The following METTL22 variants were observed in gnomAD, a reference collection of about 807,000 sequenced individuals.
METTL22 encodes methyltransferase-like protein 22.
METTL22 carries 51 observed loss-of-function variants against 48.4 expected under a neutral mutation model. The observed-to-expected ratio is 1.05, with a 90% CI of 0.84 to 1.33. The LOEUF (loss-of-function observed/expected upper bound fraction) is 1.33, where lower values mean the gene tolerates loss of function less well. METTL22 is among the 40% of genes most tolerant of loss of function. METTL22 has a pLI of 0.00. For missense variants in METTL22, 678 were observed against 526.9 expected, an observed-to-expected ratio of 1.29 and a Z score of -2.81; for synonymous variants, 255 against 214.1, an observed-to-expected ratio of 1.19 and a Z score of -1.67.
chr16:8,642,276 A>G, intron 8 of METTL22, 69 bp downstream of exon 8: 1 of 1,434,308 alleles, frequency 7.0e-7, no homozygotes, highest in Non-Finnish European at 9.8e-7. Flanking sequence ...GTCTCTCCTC[A>G]CTTCCCCCGG....
intron 1 of METTL22, among the ~76,000 whole-genome samples, chr16:8,622,570 A>T (rs2055890187): frequency 6.6e-6 from 1 of 152,152 alleles, no homozygotes; most frequent in Non-Finnish European, 1.5e-5. Context: ...CCGGAAAGAG[A>T]CTTTTCCTGA....
At chr16:8,645,837 T>A (rs952840708) in intron 10 of METTL22, 15 of 1,000,732 alleles carry the variant, frequency 1.5e-5, no homozygotes, top group Non-Finnish European at 1.0e-5. Context: ...CTCACTGCTA[T>A]TCTGGTCTCT....
intron 1 of METTL22, chr16:8,623,523 CT>C (rs1242393007): frequency 6.6e-6 from 1 of 152,192 alleles, no homozygotes; most frequent in East Asian, 1.9e-4. Context: ...TGTATTTTCT[CT>C]TCTGGAATCT....
the METTL22 span, among the ~76,000 whole-genome samples, chr16:8,662,614 A>G: frequency 6.9e-6 from 1 of 144,074 alleles, no homozygotes; most frequent in Admixed American, 7.1e-5. Context: ...TTCCAGCTTC[A>G]GAGCTCACCA....
the METTL22 span, among the ~76,000 whole-genome samples, chr16:8,656,162 C>A: frequency 2.0e-5 from 3 of 152,178 alleles, no homozygotes; most frequent in Non-Finnish European, 4.4e-5. Context: ...TGCACCACGG[C>A]CTCGAACTGC....
the METTL22 span, among the ~76,000 whole-genome samples, chr16:8,662,677 C>T: frequency 7.0e-6 from 1 of 143,770 alleles, no homozygotes; most frequent in Non-Finnish European, 1.5e-5. Context: ...ACAAAAGGAA[C>T]AGAGCCTTCC....
chr16:8,656,421 G>T, the METTL22 span, among the ~76,000 whole-genome samples: 5 of 152,262 alleles, frequency 3.3e-5, no homozygotes, highest in East Asian at 5.8e-4. Flanking sequence ...TAGACCTCAG[G>T]CACCAACTGC....
intron 6 of METTL22, among the ~76,000 whole-genome samples, chr16:8,640,926 A>AAGGGCCGGAAGATGGGCAGG (rs2056588174): frequency 5.1e-5 from 4 of 78,808 alleles, no homozygotes; most frequent in African/African-American, 1.8e-4. Flanking sequence ...GGATGGATGG[A>AAGGGCCGGAAGATGGGCAGG]TGGATGGATG....
At chr16:8,663,742 A>G in the METTL22 span, among the ~76,000 whole-genome samples, 1 of 152,228 alleles carries the variant, frequency 6.6e-6, no homozygotes, top group Admixed American at 6.5e-5. Flanking sequence ...AGCTTGCCCA[A>G]GGTCAGTCTG....
chr16:8,624,569 A>G (rs1019918255), intron 1 of METTL22, among the ~76,000 whole-genome samples: 10 of 152,048 alleles, frequency 6.6e-5, no homozygotes, highest in African/African-American at 2.4e-4. Context: ...TTTTAAATTC[A>G]GTAGCAGAGC....
rs2056807474 is a variant in METTL22, at chr16:8,646,640, A to G, written c.*497A>G. On this transcript the variant is annotated 3_prime_UTR_variant, in exon 11 of 11. Transcript: ENST00000381920. ...ATCACTCTGGTGAGGGCCCCATGAG[A>G]AGGAAGAGGCAGGAGCTGGCGCCAG... is the stretch of plus-strand genomic sequence containing the variant. 1 of 458,994 alleles carries G rather than the reference A, an allele frequency of 2.2e-6. No individual in the cohort carries two copies. The highest frequency in any genetic ancestry group is 4.4e-6 in the Non-Finnish European group (1 of 228,780). The allele number at this position is 458,994 out of a possible 1,614,324, so 28.4% of individuals were successfully genotyped here. A position where few individuals can be genotyped will look rare whatever the true frequency, so the allele number is the denominator to read the frequency against.
downstream of METTL22, among the ~76,000 whole-genome samples, chr16:8,652,688 A>AACT (rs34206993): frequency 6.7e-6 from 1 of 149,828 alleles, no homozygotes; most frequent in Non-Finnish European, 1.5e-5. Context: ...TAAAAAAAAA[A>AACT]TTTTTTTAAT....
the METTL22 span, among the ~76,000 whole-genome samples, chr16:8,665,863 A>G: frequency 6.6e-6 from 1 of 152,232 alleles, no homozygotes; most frequent in East Asian, 1.9e-4. Flanking sequence ...GTGGAAGTAT[A>G]AGTGAGTAAA....
At chr16:8,664,344 C>G in the METTL22 span, among the ~76,000 whole-genome samples, 1 of 152,136 alleles carries the variant, frequency 6.6e-6, no homozygotes, top group Non-Finnish European at 1.5e-5. Context: ...CAGGGTTTCA[C>G]CATGTTGGCC....
intron 5 of METTL22, among the ~76,000 whole-genome samples, chr16:8,637,353 G>A (rs1323978577): frequency 3.3e-5 from 5 of 152,234 alleles, no homozygotes; most frequent in South Asian, 2.1e-4. Context: ...TCTTCTCAGA[G>A]TCAAGCCGTC....
At position 8,642,183 on chromosome 16, in the gene METTL22, A is replaced by C. The variant is rs1262029804; in HGVS notation, c.883A>C (p.Thr295Pro). The C allele has an allele frequency of 6.2e-7, 1 of 1,613,662 alleles. No individual in the cohort carries two copies. The highest frequency in any genetic ancestry group is 8.5e-7 in the Non-Finnish European group (1 of 1,179,610). ...QEEISDLYDHTTILFAAEVFY... is the reference protein window; with the variant it reads ...QEEISDLYDHPTILFAAEVFY... ...GGAAATTTCTGACTTGTACGATCAC[A>C]CCACCATCCTGTTTGCAGCCGAAGG... Residue 295 changes from threonine (T) to proline (P), a missense_variant, in exon 8 of 11, where the codon ACC becomes CCC. Coordinates refer to ENST00000381920, the MANE Select transcript of METTL22 (RefSeq NM_024109.4).
intron 7 of METTL22, 125 bp from the exon 8 acceptor site, chr16:8,642,002 C>T: frequency 1.4e-6 from 1 of 726,702 alleles, no homozygotes; most frequent in Non-Finnish European, 2.5e-6. Flanking sequence ...CCTGGTGGTG[C>T]CCACTGCACC....
Position 8,629,119 on chromosome 16 carries a change from A to C in METTL22, c.514+9A>C. 2 of 1,606,674 alleles carry C rather than the reference A, an allele frequency of 1.2e-6. No homozygotes were observed. The highest frequency in any genetic ancestry group is 1.7e-6 in the Non-Finnish European group (2 of 1,176,476). ...CGATATCATCAGAATAGGTAAATAG[A>C]GGTGTGATGTGGCCCACCTGTCACC... On this transcript the variant is annotated intron_variant, in intron 3 of 10. Coordinates refer to ENST00000381920, the MANE Select transcript of METTL22 (RefSeq NM_024109.4).
At chr16:8,625,181 G>A (rs2056002686) in intron 1 of METTL22, among the ~76,000 whole-genome samples, 2 of 152,224 alleles carry the variant, frequency 1.3e-5, no homozygotes, top group African/African-American at 4.8e-5. Flanking sequence ...GGGGCAAAAT[G>A]TCATGATGTC....
Sources: allele counts gnomAD v4.1 joint callset (sites outside exome capture counted in the v4.1 genomes callset), GRCh38; gene constraint gnomAD v4.1.1; transcripts MANE v1.5; gene names NCBI Gene and HGNC (gene_info 2026-07-23, HGNC 2026-07-21).